The following SETD1B variants were observed in gnomAD, a reference collection of about 807,000 sequenced individuals.
SETD1B encodes histone-lysine N-methyltransferase SETD1B.
A neutral mutation model predicts 148.0 loss-of-function variants in SETD1B; 7 were observed. The ratio of observed to expected loss-of-function variants is 0.05; its 90% CI spans 0.03 to 0.09. The LOEUF is 0.09. Ranked by LOEUF, SETD1B falls within the 10% of genes least tolerant of loss-of-function variation. The pLI is 1.00. For missense variants in SETD1B, 2,155 were observed against 2,729.9 expected (o/e 0.79, Z 4.69); for synonymous variants, 1,361 against 1,186.5 (o/e 1.15, Z -3.02).
In SETD1B at chr12:121,810,258, C is replaced by T. The variant is rs991307899; in HGVS notation, c.1313C>T (p.Pro438Leu). 1.8e-5 allele frequency: 28 copies of T among 1,545,714 alleles called. No homozygotes were observed. In the African/African-American group the frequency reaches 3.4e-4, roughly 19 times the overall value. Residue 438 changes from proline (P) to leucine (L), a missense_variant, in exon 6 of 17, where the codon CCA (proline) becomes CTA (leucine). By Grantham distance (98) the Pro-to-Leu change is moderately conservative. Coordinates refer to ENST00000604567, the MANE Select transcript of SETD1B (RefSeq NM_001353345.2). The surrounding 1 kb of genome is among the most constrained non-coding windows in gnomAD (Gnocchi z 7.6). ...AGGGCACCGGCGCCCCCACCCCTGC[C>T]ACCTGCTGAGCCTCTGGCCAAGGAG... is the stretch of plus-strand genomic sequence containing the variant. ...FRRAPAPPPL[P>L]PAEPLAKEKP... is the part of the protein sequence containing the mutation.
intron 4 of SETD1B, among the ~76,000 whole-genome samples, chr12:121,807,169 C>CG (rs1009048201): frequency 1.3e-5 from 2 of 152,056 alleles, no homozygotes; most frequent in African/African-American, 4.8e-5. Context: ...AAGCCGGTGC[C>CG]GGGGGGTGGT....
Position 121,805,016 on chromosome 12 carries a change from G to A in SETD1B, c.175-102G>A. On this transcript the variant is annotated intron_variant, in intron 2 of 16. Coordinates refer to ENST00000604567, the MANE Select transcript of SETD1B (RefSeq NM_001353345.2). This position sits in a 1 kb window ranked among gnomAD's most constrained non-coding sequence, Gnocchi z 4.2. ...CCGATCCCCCGGCCAACTGTCAGAC[G>A]GGGCCCCAGCCCTGGAGTTTGACAA... 6.8e-7 allele frequency: 1 copy of A among 1,465,404 alleles called. No individual in the cohort carries two copies. Among genetic ancestry groups the A allele is most frequent in the Non-Finnish European group, 9.2e-7 (1 of 1,087,768 alleles). 90.8% of individuals were successfully genotyped at this position (1,465,404 alleles called of 1,614,324 possible).
rs925914886 is a variant in SETD1B, at chr12:121,823,884, C to A, written c.5170+135C>A. ...TGACAGCATGCACCACCGTCACTTC[C>A]CAAGCAGGGTTTGTGTCCCGGCACC... On this transcript the variant is annotated intron_variant, in intron 12 of 16. Transcript: ENST00000604567. 10 of 1,281,230 alleles carry A rather than the reference C, an allele frequency of 7.8e-6. No individual in the cohort carries two copies. The East Asian group carries it at 2.0e-4, about 26-fold the overall frequency. 79.4% of individuals were successfully genotyped at this position (1,281,230 alleles called of 1,614,324 possible). A position where few individuals can be genotyped will look rare whatever the true frequency, so the allele number is the denominator to read the frequency against.
chr12:121,823,187 G>A lies in SETD1B; in HGVS notation c.4608G>A (p.Leu1536=). 1.3e-6 allele frequency: 2 copies of A among 1,545,930 alleles called. No homozygotes were observed. The highest frequency in any genetic ancestry group is 1.4e-5 in the African/African-American group (1 of 72,178). Residue 1536 remains leucine, a synonymous_variant, in exon 12 of 17, where the codon TTG becomes TTA. Transcript: ENST00000604567. The part of the protein sequence containing the change: ...PPSMLSLDGP[L]VRPPAGAALG... ...CTATGCTCTCCTTGGATGGGCCCTT[G>A]GTCCGACCACCAGCAGGGGCCGCCC... is the stretch of plus-strand genomic sequence containing the variant.
chr12:121,794,760 G>A, the SETD1B span, among the ~76,000 whole-genome samples: 1 of 131,772 alleles, frequency 7.6e-6, no homozygotes, highest in African/African-American at 2.7e-5. Context: ...ACCCAGATGA[G>A]TCGACAGGGT....
In SETD1B at chr12:121,805,623, C is replaced by T. The variant is rs535197055; in HGVS notation, c.274-212C>T. The stretch of plus-strand genomic sequence containing the variant: ...TCCTTCCGAACCCAGAGGACTTCCA[C>T]GTTCCAAACGATTTAATCCTCCGCT... On this transcript the variant is annotated intron_variant, in intron 3 of 16. Coordinates refer to ENST00000604567, the MANE Select transcript of SETD1B (RefSeq NM_001353345.2). The surrounding 1 kb of genome is among the most constrained non-coding windows in gnomAD (Gnocchi z 4.2). 4.6e-5 allele frequency among the ~76,000 whole-genome samples: 7 copies of T among 151,868 alleles called. No individual in the cohort carries two copies. The South Asian group carries it at 6.2e-4, about 14-fold the overall frequency.
the SETD1B span, among the ~76,000 whole-genome samples, chr12:121,790,189 G>A: frequency 6.6e-6 from 1 of 152,236 alleles, no homozygotes; most frequent in African/African-American, 2.4e-5. Flanking sequence ...TGTGGGCAGC[G>A]TCCGGCCCCT....
chr12:121,808,868 TTTTG>T lies in SETD1B; in HGVS notation c.657+552_657+555del, dbSNP rs1252809129. Among the ~76,000 whole-genome samples, 1 of 152,178 alleles carries T rather than the reference TTTTG, an allele frequency of 6.6e-6. No individual in the cohort carries two copies. The highest frequency in any genetic ancestry group is 1.5e-5 in the Non-Finnish European group (1 of 68,030). On this transcript the variant is annotated intron_variant, in intron 5 of 16. Coordinates refer to ENST00000604567, the MANE Select transcript of SETD1B (RefSeq NM_001353345.2). This position sits in a 1 kb window ranked among gnomAD's most constrained non-coding sequence, Gnocchi z 5.3. ...GCCACTGGCCTGTTCATCACTTTTTTTTTGTTTTATTTATTTTTTTGAGACAGAG... is the reference window on the plus strand; with the variant it reads ...GCCACTGGCCTGTTCATCACTTTTTTTTTTATTTATTTTTTTGAGACAGAG...
At position 121,830,091 on chromosome 12, in the gene SETD1B, C is replaced by T. The variant is rs1229890445; in HGVS notation, c.5753C>T (p.Thr1918Met). The change falls in exon 17 of 17, where the codon ACG becomes ATG. Residue 1918 changes from threonine (T) to methionine (M), a missense_variant. This residue lies in a region of SETD1B where 4 missense variants were observed against 58.1 expected (regional missense o/e 0.07). Transcript: ENST00000604567. The surrounding 1 kb of genome is among the most constrained non-coding windows in gnomAD (Gnocchi z 5.7). ...CCCAACTGCTATGCCAAGGTGATCA[C>T]GGTGGAGTCACAGAAGAAGATAGTC... ...CNPNCYAKVITVESQKKIVIY... is the reference protein window; with the variant it reads ...CNPNCYAKVIMVESQKKIVIY... 1.3e-6 allele frequency: 2 copies of T among 1,551,116 alleles called. No individual in the cohort carries two copies. The highest frequency in any genetic ancestry group is 1.2e-5 in the South Asian group (1 of 84,036).
At chr12:121,801,784 G>C (rs1875377542), upstream of SETD1B, 1 of 152,212 alleles carries the variant, frequency 6.6e-6, no homozygotes, top group Admixed American at 6.5e-5. Context: ...CAAAAAGGCG[G>C]CTTCGCTGAG....
upstream of SETD1B, chr12:121,799,736 T>TGGGGGGG (rs1459030938): frequency 9.7e-4 from 30 of 30,948 alleles, 1 homozygote; most frequent in South Asian, 1.7e-3. Context: ...GGGGGTGGGG[T>TGGGGGGG]GGGGCGGGGC....
Position 121,819,497 on chromosome 12 carries a change from C to T in SETD1B, c.3512C>T (p.Ser1171Leu), listed in dbSNP as rs757635654. The T allele has an allele frequency of 5.8e-6, 9 of 1,552,106 alleles. No individual in the cohort carries two copies. The highest frequency in any genetic ancestry group is 2.4e-5 in the South Asian group (2 of 84,056). The change falls in exon 11 of 17, where the codon TCG (serine) becomes TTG (leucine). Residue 1171 changes from serine (S) to leucine (L), a missense_variant. Coordinates refer to ENST00000604567, the MANE Select transcript of SETD1B (RefSeq NM_001353345.2). ...SSEFESSSESSPSSSEDEEEV... is the reference protein window; with the variant it reads ...SSEFESSSESLPSSSEDEEEV... ...GAGTTTGAGTCAAGCTCCGAGTCCT[C>T]GCCCTCATCCTCGGAGGATGAGGAG...
chr12:121,799,285 G>A (rs927808909), upstream of SETD1B: 2 of 152,274 alleles, frequency 1.3e-5, no homozygotes, highest in African/African-American at 4.8e-5. Flanking sequence ...TAGAAACAAG[G>A]CTTATATACA....
intron 10 of SETD1B, among the ~76,000 whole-genome samples, chr12:121,818,939 C>T (rs1173859477): frequency 6.0e-5 from 9 of 150,586 alleles, no homozygotes; most frequent in African/African-American, 2.2e-4. Flanking sequence ...AATTTTACCT[C>T]AGTTTTTAAA....
intron 7 of SETD1B, 46 bp downstream of exon 7, chr12:121,814,976 G>A (rs1012453566): frequency 1.1e-5 from 16 of 1,476,538 alleles, no homozygotes; most frequent in African/African-American, 4.3e-5. Context: ...GTGGAGGGGG[G>A]CAGGTCCCCA....
chr12:121,818,103 A>G (rs780601239), intron 10 of SETD1B, among the ~76,000 whole-genome samples, 199 bp downstream of exon 10: 1 of 152,240 alleles, frequency 6.6e-6, no homozygotes, highest in African/African-American at 2.4e-5. Context: ...CCATAGAAAT[A>G]GAAAGCAGGT....
chr12:121,826,807 A>T (rs1206528581), intron 13 of SETD1B, among the ~76,000 whole-genome samples: 1 of 151,964 alleles, frequency 6.6e-6, no homozygotes, highest in Admixed American at 6.6e-5. Context: ...TGGCCTGGGT[A>T]CAGGAGACAG....
At chr12:121,824,042 G>C (rs1427009804) in intron 12 of SETD1B, among the ~76,000 whole-genome samples, 2 of 152,216 alleles carry the variant, frequency 1.3e-5, no homozygotes, top group Admixed American at 6.5e-5. Context: ...AGCACACACG[G>C]GCGCAGGGCC....
chr12:121,809,829 C>T lies in SETD1B; in HGVS notation c.884C>T (p.Thr295Ile), dbSNP rs1566548290. 2 of 1,551,562 alleles carry T rather than the reference C, an allele frequency of 1.3e-6. No homozygotes were observed. Among genetic ancestry groups the T allele is most frequent in the Non-Finnish European group, 8.7e-7 (1 of 1,146,992 alleles). Reference sequence around the variant, plus strand: ...TCCAGCTACTCCAGCCGCCAGCCCACACCCTCATACCTCTTCAGCCAGGAC... The same window carrying T: ...TCCAGCTACTCCAGCCGCCAGCCCATACCCTCATACCTCTTCAGCCAGGAC... ...QDSSYSSRQP[T>I]PSYLFSQDPA... is the part of the protein sequence containing the mutation. Residue 295 changes from threonine (T) to isoleucine (I), a missense_variant, in exon 6 of 17, where the codon ACA becomes ATA. By Grantham distance (89) the Thr-to-Ile change is moderately conservative. Coordinates refer to ENST00000604567, the MANE Select transcript of SETD1B (RefSeq NM_001353345.2).
Sources: gnomAD v4.1 joint callset for allele counts (sites outside exome capture counted in the v4.1 genomes callset) on GRCh38, gnomAD v4.1.1 for gene constraint, gnomAD v4.1.1 regional missense constraint, Gnocchi (gnomAD v3.1) non-coding constraint, MANE v1.5 for transcripts, NCBI Gene and HGNC (gene_info 2026-07-23, HGNC 2026-07-21) for gene names.